The following RTTN variants were observed in gnomAD, a reference collection of about 807,000 sequenced individuals.
RTTN encodes the protein rotatin.
RTTN carries 182 observed loss-of-function variants against 269.2 expected under a neutral mutation model. That is an observed-to-expected ratio of 0.68 (90% CI 0.60 to 0.76). RTTN has a LOEUF of 0.76. Ranked by LOEUF, RTTN falls within the 30% of genes least tolerant of loss-of-function variation. The pLI, the probability that RTTN is intolerant of heterozygous loss-of-function variation, is 0.00. For synonymous variants in RTTN, 1,006 were observed against 963.5 expected (o/e 1.04, Z -0.82); for missense variants, 2,545 against 2,608.6 (o/e 0.98, Z 0.53).
In RTTN at chr18:70,092,112, C is replaced by A. The variant is rs2058864484; in HGVS notation, c.4141G>T (p.Glu1381Ter). ...LIPLWVDRDP[E>*]VRFTSLGLGS... ...ACTTGATTCTCCTTCACACTCACCTCTGGGTCCCGATCAACCCATAATGGA... is the reference window on the plus strand; with the variant it reads ...ACTTGATTCTCCTTCACACTCACCTATGGGTCCCGATCAACCCATAATGGA... Residue 1381 changes from glutamate (E) to a stop codon, truncating the protein, a stop_gained and splice_region_variant, in exon 30 of 49, where the codon GAG becomes TAG. Coordinates refer to ENST00000640769, the MANE Select transcript of RTTN (RefSeq NM_173630.4). LOFTEE classifies it high-confidence loss of function. 6.3e-7 allele frequency: 1 copy of A among 1,595,682 alleles called. No individual in the cohort carries two copies. Among genetic ancestry groups the A allele is most frequent in the African/African-American group, 1.3e-5 (1 of 74,528 alleles).
chr18:70,124,876 G>A (rs1357787325), intron 25 of RTTN, among the ~76,000 whole-genome samples: 1 of 152,036 alleles, frequency 6.6e-6, no homozygotes, highest in African/African-American at 2.4e-5. Flanking sequence ...GAGAAAAACA[G>A]TAGCAATAGG....
intron 14 of RTTN, among the ~76,000 whole-genome samples, chr18:70,156,703 T>C (rs982127093): frequency 2.0e-5 from 3 of 152,174 alleles, no homozygotes; most frequent in Non-Finnish European, 4.4e-5. Flanking sequence ...TTTCCCTCTT[T>C]TGTACTCTGT....
intron 23 of RTTN, among the ~76,000 whole-genome samples, chr18:70,133,342 A>G (rs2060043621): frequency 6.6e-6 from 1 of 152,156 alleles, no homozygotes; most frequent in African/African-American, 2.4e-5. Context: ...TAGGAATGTA[A>G]ATCAGCACAA....
At chr18:70,116,639 T>A (rs1475481670) in intron 26 of RTTN, among the ~76,000 whole-genome samples, 1 of 152,100 alleles carries the variant, frequency 6.6e-6, no homozygotes, top group Admixed American at 6.6e-5. Context: ...AACCAACTAC[T>A]TGGGCCATTA....
chr18:70,190,801 T>G (rs960588067), intron 8 of RTTN, 82 bp from the exon 9 acceptor site: 38 of 933,808 alleles, frequency 4.1e-5, no homozygotes, highest in South Asian at 3.6e-4. Flanking sequence ...CCTCGCATAT[T>G]AGAAGCCTCA....
At position 70,205,172 on chromosome 18, in the gene RTTN, G is replaced by C; in HGVS notation, c.175C>G (p.Pro59Ala). ...LLEWFNFPSV[P>A]MKEEVLNLLS... The stretch of plus-strand genomic sequence containing the variant: ...AGGTTCAGAACCTCTTCCTTCATCG[G>C]AACGGACGGGAAATTGAACCATTCC... The change falls in exon 2 of 49, where the codon CCG becomes GCG. Residue 59 changes from proline (P) to alanine (A), a missense_variant. By Grantham distance (27) the Pro-to-Ala change is conservative. Transcript: ENST00000640769. The C allele has an allele frequency of 1.2e-6, 2 of 1,614,116 alleles. No individual in the cohort carries two copies. Among genetic ancestry groups the C allele is most frequent in the Non-Finnish European group, 1.7e-6 (2 of 1,180,024 alleles).
chr18:70,041,712 T>A (rs1474006203), intron 40 of RTTN, among the ~76,000 whole-genome samples: 1 of 152,182 alleles, frequency 6.6e-6, no homozygotes, highest in African/African-American at 2.4e-5. Context: ...ATTAGGATTC[T>A]GAACTGGCAG....
intron 45 of RTTN, among the ~76,000 whole-genome samples, chr18:70,017,983 T>A (rs1599120744): frequency 1.3e-5 from 2 of 152,326 alleles, no homozygotes; most frequent in South Asian, 4.1e-4. Flanking sequence ...GCTCTTGAGT[T>A]TTCTCTTCTC....
intron 26 of RTTN, among the ~76,000 whole-genome samples, chr18:70,120,232 TCC>T (rs1237657941): frequency 3.4e-5 from 5 of 146,384 alleles, no homozygotes; most frequent in Non-Finnish European, 6.1e-5. Context: ...CTTCAGAGAG[TCC>T]CCACTGCAAG....
chr18:70,122,995 C>CA, intron 25 of RTTN, among the ~76,000 whole-genome samples: 1 of 152,170 alleles, frequency 6.6e-6, no homozygotes, highest in African/African-American at 2.4e-5. Context: ...AGACACAAGA[C>CA]ACTCTTTCCT....
Position 70,146,968 on chromosome 18 carries a change from C to A in RTTN, c.2310-1185G>T, listed in dbSNP as rs542200361. Among the ~76,000 whole-genome samples, 13 of 152,288 alleles carry A rather than the reference C, an allele frequency of 8.5e-5. No homozygotes were observed. The South Asian group carries it at 2.5e-3, about 29-fold the overall frequency. On this transcript the variant is annotated intron_variant, in intron 17 of 48. Transcript: ENST00000640769. ...GGCTAAACACCTACCTAATAGTTTT[C>A]CTTTGTTCCTTACATTCTAAGCCAA...
intron 38 of RTTN, among the ~76,000 whole-genome samples, 197 bp from the exon 39 acceptor site, chr18:70,051,745 C>T (rs1252350703): frequency 6.6e-6 from 1 of 152,074 alleles, no homozygotes; most frequent in African/African-American, 2.4e-5. Context: ...TAAGATATCT[C>T]CCCTCCACCC....
At chr18:70,147,361 G>A (rs747505618) in intron 17 of RTTN, among the ~76,000 whole-genome samples, 3 of 152,136 alleles carry the variant, frequency 2.0e-5, no homozygotes, top group Non-Finnish European at 2.9e-5. Context: ...GTAACATGCT[G>A]TACAGGTTTG....
At chr18:70,068,542 G>T (rs556787880) in intron 34 of RTTN, among the ~76,000 whole-genome samples, 9 of 152,254 alleles carry the variant, frequency 5.9e-5, no homozygotes, top group Admixed American at 2.0e-4. Context: ...CTGTGTCCCC[G>T]CGGAACTTCA....
chr18:70,189,084 T>A (rs1045413401), intron 9 of RTTN, among the ~76,000 whole-genome samples: 1 of 152,346 alleles, frequency 6.6e-6, no homozygotes, highest in African/African-American at 2.4e-5. Context: ...ATTATCAATC[T>A]GACTTTTTAA....
chr18:70,145,445 G>GT lies in RTTN; in HGVS notation c.2481+166dup, dbSNP rs202065572. On this transcript the variant is annotated intron_variant, in intron 18 of 48. Transcript: ENST00000640769. ...GTTGGGACCACTGCAATAAATCAAC[G>GT]TATCTAGAAGCCAGATAAAGCCAGA... Among the ~76,000 whole-genome samples the GT allele has an allele frequency of 8.4e-3, 1,277 of 152,126 alleles. 23 individuals carry two copies. Among genetic ancestry groups the GT allele is most frequent in the African/African-American group, 0.028 (1,182 of 41,488 alleles).
At chr18:70,184,908 C>A (rs985155765) in intron 10 of RTTN, among the ~76,000 whole-genome samples, 46 of 150,778 alleles carry the variant, frequency 3.1e-4, no homozygotes, top group African/African-American at 1.1e-3. Context: ...AAAAAAAAAA[C>A]AAGAACAAAG....
intron 32 of RTTN, among the ~76,000 whole-genome samples, chr18:70,080,995 A>C (rs1287192251): frequency 6.6e-6 from 1 of 151,922 alleles, no homozygotes; most frequent in Non-Finnish European, 1.5e-5. Context: ...ACTCAGCCAT[A>C]AAAAGGAATG....
At position 70,116,181 on chromosome 18, in the gene RTTN, T is replaced by C. The variant is rs192327980; in HGVS notation, c.3529-1582A>G. ...AAAAGCTGACTCACATTCACGTGCC[T>C]TCTGACTCCCAAAACTACTGACAAA... is the stretch of plus-strand genomic sequence containing the variant. On this transcript the variant is annotated intron_variant, in intron 26 of 48. Coordinates refer to ENST00000640769, the MANE Select transcript of RTTN (RefSeq NM_173630.4). 1.8e-3 allele frequency among the ~76,000 whole-genome samples: 276 copies of C among 152,068 alleles called. 9 individuals are homozygous for C. Among genetic ancestry groups the C allele is most frequent in the Admixed American group, 0.017 (266 of 15,258 alleles).
Sources: allele counts gnomAD v4.1 joint callset (sites outside exome capture counted in the v4.1 genomes callset), GRCh38; gene constraint gnomAD v4.1.1; transcripts MANE v1.5; gene names NCBI Gene and HGNC (gene_info 2026-07-23, HGNC 2026-07-21).